LSAMP: variants seen among roughly 807,000 people sequenced by gnomAD.
LSAMP encodes limbic system-associated membrane protein.
Under a neutral mutation model 38.6 loss-of-function variants are expected in LSAMP, and 7 were observed. The observed-to-expected ratio is 0.18, with a 90% confidence interval of 0.10 to 0.34. The LOEUF is 0.34. Ranked by LOEUF, LSAMP falls within the 10% of genes least tolerant of loss-of-function variation. The pLI is 1.00. For synonymous variants in LSAMP, 154 were observed against 166.8 expected, an observed-to-expected ratio of 0.92 and a Z score of 0.59; for missense variants, 313 against 420.0, an observed-to-expected ratio of 0.75 and a Z score of 2.23.
intron 1 of LSAMP, among the ~76,000 whole-genome samples, chr3:116,269,621 T>C (rs2046942723): frequency 6.6e-6 from 1 of 152,126 alleles, no homozygotes. Context: ...TATAAATAAG[T>C]GACCATATAA....
chr3:116,339,277 T>C (rs1015749625), intron 1 of LSAMP, among the ~76,000 whole-genome samples: 1 of 145,500 alleles, frequency 6.9e-6, no homozygotes, highest in Non-Finnish European at 1.5e-5. Context: ...ACTCCCCTTA[T>C]ATAGATTTTT....
chr3:115,958,041 C>T (rs1220839279), intron 3 of LSAMP, among the ~76,000 whole-genome samples: 1 of 151,966 alleles, frequency 6.6e-6, no homozygotes, highest in Non-Finnish European at 1.5e-5. Context: ...AGTTGTGAGC[C>T]TGTTTTATTT....
chr3:116,318,755 T>A (rs1233229757), intron 1 of LSAMP, among the ~76,000 whole-genome samples: 1 of 152,222 alleles, frequency 6.6e-6, no homozygotes, highest in Non-Finnish European at 1.5e-5. Flanking sequence ...AAGGCCTCTT[T>A]AAGTATTTTC....
intron 1 of LSAMP, among the ~76,000 whole-genome samples, chr3:116,434,567 TAGA>T (rs1275780187): frequency 6.6e-6 from 1 of 151,940 alleles, no homozygotes; most frequent in Non-Finnish European, 1.5e-5. Context: ...GAGTGAGGGG[TAGA>T]AGGAGAAGGA....
rs55818433 is a variant in LSAMP at position 116,060,198 on chromosome 3, G to GTTTT, written c.388+26122_388+26125dup. Among the ~76,000 whole-genome samples, 734 of 142,008 alleles carry GTTTT rather than the reference G, an allele frequency of 5.2e-3. 10 individuals are homozygous for GTTTT. Among genetic ancestry groups the GTTTT allele is most frequent in the African/African-American group, 0.019 (692 of 37,200 alleles). 93.2% of individuals were successfully genotyped at this position (142,008 alleles called of 152,430 possible). The stretch of plus-strand genomic sequence containing the variant: ...TTGCCTAAGTCTTTAAAGCAACATA[G>GTTTT]TTTTTTTTTTTTTTACTAGCAGCAT... On this transcript the variant is annotated intron_variant, in intron 2 of 6. Transcript: ENST00000490035.
chr3:115,819,290 C>T (rs780285189), intron 6 of LSAMP, among the ~76,000 whole-genome samples: 7 of 151,966 alleles, frequency 4.6e-5, no homozygotes, highest in Non-Finnish European at 1.0e-4. Flanking sequence ...ACAAAATTAG[C>T]TGGGTGTGGT....
At chr3:115,838,790 T>C (rs900401270) in intron 6 of LSAMP, among the ~76,000 whole-genome samples, 1 of 152,148 alleles carries the variant, frequency 6.6e-6, no homozygotes, top group Non-Finnish European at 1.5e-5. Context: ...GAATAGAGAG[T>C]GGGGAAGTGT....
chr3:116,257,675 A>G (rs1013390561), intron 1 of LSAMP, among the ~76,000 whole-genome samples: 1 of 152,132 alleles, frequency 6.6e-6, no homozygotes, highest in Admixed American at 6.5e-5. Context: ...GAGCAATGTA[A>G]TTTTTTTCTG....
At chr3:116,396,159 G>A (rs1466234720) in intron 1 of LSAMP, among the ~76,000 whole-genome samples, 1 of 152,108 alleles carries the variant, frequency 6.6e-6, no homozygotes, top group Non-Finnish European at 1.5e-5. Flanking sequence ...CTGATTTACT[G>A]AAAACAATGC....
At chr3:115,928,146 T>G (rs1937521816) in intron 3 of LSAMP, among the ~76,000 whole-genome samples, 1 of 152,182 alleles carries the variant, frequency 6.6e-6, no homozygotes, top group Non-Finnish European at 1.5e-5. Flanking sequence ...CAAAATTAAA[T>G]AAAACCAAGA....
At chr3:116,199,694 C>A (rs939977958) in intron 1 of LSAMP, among the ~76,000 whole-genome samples, 1 of 152,064 alleles carries the variant, frequency 6.6e-6, no homozygotes, top group African/African-American at 2.4e-5. Flanking sequence ...TGTTAGAGAG[C>A]AGTCAAGTAG....
At chr3:116,042,250 A>G (rs1427474784) in intron 2 of LSAMP, among the ~76,000 whole-genome samples, 3 of 152,208 alleles carry the variant, frequency 2.0e-5, no homozygotes, top group Admixed American at 1.3e-4. Context: ...TGTTTTGCAC[A>G]TAATTGTTCA....
chr3:116,334,337 C>T (rs1212680238), intron 1 of LSAMP, among the ~76,000 whole-genome samples: 2 of 152,036 alleles, frequency 1.3e-5, no homozygotes, highest in African/African-American at 2.4e-5. Flanking sequence ...AACACCCGTC[C>T]TTCTCAAACA....
chr3:116,230,193 C>G (rs1021572978), intron 1 of LSAMP, among the ~76,000 whole-genome samples: 1 of 151,998 alleles, frequency 6.6e-6, no homozygotes, highest in Non-Finnish European at 1.5e-5. Context: ...CTGTAGAATG[C>G]ACTTATTGAG....
chr3:116,258,860 T>C (rs2046789777), intron 1 of LSAMP, among the ~76,000 whole-genome samples: 1 of 152,134 alleles, frequency 6.6e-6, no homozygotes, highest in Non-Finnish European at 1.5e-5. Flanking sequence ...GTGACGTCTA[T>C]GCATAAGCTT....
chr3:116,359,866 A>G (rs952951330), intron 1 of LSAMP, among the ~76,000 whole-genome samples: 1 of 152,238 alleles, frequency 6.6e-6, no homozygotes, highest in African/African-American at 2.4e-5. Context: ...ACTCAAAACT[A>G]TAAAAATCCT....
At chr3:116,103,503 A>G (rs1377329030) in intron 1 of LSAMP, among the ~76,000 whole-genome samples, 4 of 148,620 alleles carry the variant, frequency 2.7e-5, no homozygotes, top group Non-Finnish European at 5.9e-5. Flanking sequence ...GACAGTGTAC[A>G]TATCATATAT....
At chr3:116,109,297 C>T (rs984995336) in intron 1 of LSAMP, among the ~76,000 whole-genome samples, 24 of 152,010 alleles carry the variant, frequency 1.6e-4, no homozygotes, top group South Asian at 4.2e-4. Flanking sequence ...GGAGGGGAGG[C>T]AATAAAAAGA....
At chr3:115,914,858 T>C (rs947446070) in intron 3 of LSAMP, among the ~76,000 whole-genome samples, 3 of 152,214 alleles carry the variant, frequency 2.0e-5, no homozygotes, top group Non-Finnish European at 4.4e-5. Context: ...CTTCCTGACT[T>C]TTTAGGATTC....
Sources: allele counts gnomAD v4.1 joint callset (sites outside exome capture counted in the v4.1 genomes callset), GRCh38; gene constraint gnomAD v4.1.1; transcripts MANE v1.5; gene names NCBI Gene and HGNC (gene_info 2026-07-23, HGNC 2026-07-21).